Variants in PREX2 observed in about 807,000 individuals in gnomAD.
The protein encoded by PREX2 is phosphatidylinositol-3,4,5-trisphosphate dependent Rac exchange factor 2.
In PREX2, 107 loss-of-function variants were observed where a neutral mutation model predicts 203.2. The ratio of observed to expected loss-of-function variants is 0.53; its 90% CI spans 0.45 to 0.62. The LOEUF (loss-of-function observed/expected upper bound fraction) is 0.62. Among genes scored for constraint, PREX2 ranks in the 20% least tolerant of loss-of-function variants. The pLI, the probability that PREX2 is intolerant of heterozygous loss-of-function variation, is 0.00. For synonymous variants in PREX2, 672 were observed against 663.6 expected, an observed-to-expected ratio of 1.01 and a Z score of -0.19; for missense variants, 1,777 against 1,955.9, an observed-to-expected ratio of 0.91 and a Z score of 1.72.
chr8:68,002,028 G>A (rs1193589570), intron 1 of PREX2, among the ~76,000 whole-genome samples: 1 of 151,356 alleles, frequency 6.6e-6, no homozygotes, highest in East Asian at 1.9e-4. Flanking sequence ...AACAAATCCT[G>A]TGACACAAGT....
chr8:68,083,654 G>T (rs1235643382), intron 18 of PREX2, among the ~76,000 whole-genome samples: 1 of 152,060 alleles, frequency 6.6e-6, no homozygotes, highest in Non-Finnish European at 1.5e-5. Flanking sequence ...GGTTGAATTG[G>T]GTTTTACTAT....
chr8:68,185,141 C>T (rs547697585), intron 35 of PREX2, among the ~76,000 whole-genome samples: 5 of 152,282 alleles, frequency 3.3e-5, no homozygotes, highest in Admixed American at 6.5e-5. Context: ...ATTCAGTTCT[C>T]TCAATTTTCA....
intron 39 of PREX2, 38 bp downstream of exon 39, chr8:68,224,664 T>C (rs764863270): frequency 6.6e-7 from 1 of 1,516,756 alleles, no homozygotes; most frequent in South Asian, 1.1e-5. Flanking sequence ...CCCGAAAGAT[T>C]TGCCAGCATT....
Position 68,055,819 on chromosome 8 carries a change from A to G in PREX2, c.1094-11A>G. The stretch of plus-strand genomic sequence containing the variant: ...TTTTCAGTTACCTCTCCTTTCTTTC[A>G]TTTTTGATAGGTTTAAAATTAGGAA... On this transcript the variant is annotated splice_polypyrimidine_tract_variant and intron_variant, in intron 9 of 39. Transcript: ENST00000288368. 1.2e-6 allele frequency: 2 copies of G among 1,606,600 alleles called. No homozygotes were observed. The highest frequency in any genetic ancestry group is 1.7e-6 in the Non-Finnish European group (2 of 1,178,068).
At chr8:68,139,057 C>A (rs549153573) in intron 33 of PREX2, among the ~76,000 whole-genome samples, 1 of 152,152 alleles carries the variant, frequency 6.6e-6, no homozygotes, top group East Asian at 1.9e-4. Context: ...CAAGACTATT[C>A]TTGGTGTTGG....
chr8:68,110,904 A>G (rs777921659), intron 25 of PREX2: 2 of 431,914 alleles, frequency 4.6e-6, no homozygotes, highest in South Asian at 1.7e-5. Flanking sequence ...AGTTTTGTAT[A>G]TTATACTGTG....
At chr8:68,007,920 C>G (rs1807144922) in intron 1 of PREX2, among the ~76,000 whole-genome samples, 4 of 152,138 alleles carry the variant, frequency 2.6e-5, no homozygotes, top group Admixed American at 2.6e-4. Context: ...TCAGTTACTT[C>G]ACATATATTA....
chr8:68,192,435 C>A lies in PREX2; in HGVS notation c.4514C>A (p.Ala1505Asp). Residue 1505 changes from alanine (A) to aspartate (D), a missense_variant, in exon 37 of 40, where the codon GCT becomes GAT. Physicochemically the swap from Ala to Asp is moderately radical, Grantham distance 126 (BLOSUM62 -2). Coordinates refer to ENST00000288368, the MANE Select transcript of PREX2 (RefSeq NM_024870.4). ...GCCTGTGCAAACACAGCTTGCAGTG[C>A]TTCTGGGGTTGGACTGCTGTCAGTT... is the stretch of plus-strand genomic sequence containing the variant. Reference protein sequence around the residue: ...TAACANTACSASGVGLLSVSS... With the variant: ...TAACANTACSDSGVGLLSVSS... 6.2e-7 allele frequency: 1 copy of A among 1,614,046 alleles called. No homozygotes were observed. Among genetic ancestry groups the A allele is most frequent in the Non-Finnish European group, 8.5e-7 (1 of 1,179,966 alleles).
At chr8:68,008,054 A>C (rs1370299804) in intron 1 of PREX2, among the ~76,000 whole-genome samples, 1 of 152,214 alleles carries the variant, frequency 6.6e-6, no homozygotes, top group Non-Finnish European at 1.5e-5. Context: ...AGTAGTTGGC[A>C]GAGTTGGGTT....
intron 1 of PREX2, among the ~76,000 whole-genome samples, chr8:67,977,897 TCTGA>T (rs1806154112): frequency 6.6e-6 from 1 of 152,158 alleles, no homozygotes; most frequent in Non-Finnish European, 1.5e-5. Flanking sequence ...TGCATCTCTT[TCTGA>T]CTGTTTACCT....
At chr8:67,970,671 A>T (rs1313395930) in intron 1 of PREX2, among the ~76,000 whole-genome samples, 2 of 152,170 alleles carry the variant, frequency 1.3e-5, no homozygotes, top group Non-Finnish European at 2.9e-5. Flanking sequence ...TCAACTTCAG[A>T]GTAAGAAATA....
intron 1 of PREX2, among the ~76,000 whole-genome samples, chr8:67,973,183 T>C (rs994840202): frequency 6.6e-6 from 1 of 152,174 alleles, no homozygotes; most frequent in Non-Finnish European, 1.5e-5. Flanking sequence ...GCAATAAAAG[T>C]ATGGGCAGAC....
chr8:68,199,533 G>T (rs1292470345), intron 37 of PREX2, among the ~76,000 whole-genome samples: 7 of 152,088 alleles, frequency 4.6e-5, no homozygotes, highest in Admixed American at 2.0e-4. Context: ...CCTAAAATAT[G>T]ATTATAAGCC....
chr8:68,027,177 T>G, intron 4 of PREX2, 45 bp from the exon 5 acceptor site: 5 of 1,385,988 alleles, frequency 3.6e-6, no homozygotes, highest in Non-Finnish European at 4.1e-6. Flanking sequence ...TTTCACAGCG[T>G]GAGATTATTA....
intron 34 of PREX2, among the ~76,000 whole-genome samples, chr8:68,147,021 A>G (rs1003017915): frequency 6.6e-6 from 1 of 152,188 alleles, no homozygotes; most frequent in Non-Finnish European, 1.5e-5. Context: ...TACCTAAAAA[A>G]GATCAGAAGT....
intron 35 of PREX2, among the ~76,000 whole-genome samples, chr8:68,186,384 T>C (rs1812188167): frequency 1.3e-5 from 2 of 152,224 alleles, no homozygotes; most frequent in South Asian, 4.1e-4. Context: ...AGCCAATATA[T>C]CTAATTCTAA....
At chr8:68,192,308 T>C in intron 36 of PREX2, 27 bp from the exon 37 acceptor site, 1 of 1,545,654 alleles carries the variant, frequency 6.5e-7, no homozygotes, top group East Asian at 2.3e-5. Context: ...CATGTTGAAC[T>C]TGACGTTCAT....
chr8:68,148,063 A>G (rs1811363038), intron 34 of PREX2, among the ~76,000 whole-genome samples: 1 of 152,116 alleles, frequency 6.6e-6, no homozygotes, highest in Admixed American at 6.6e-5. Flanking sequence ...CCCAGGCAAC[A>G]TGGTGGAAAC....
intron 37 of PREX2, among the ~76,000 whole-genome samples, chr8:68,206,590 G>A (rs1431230510): frequency 6.6e-6 from 1 of 152,166 alleles, no homozygotes; most frequent in African/African-American, 2.4e-5. Flanking sequence ...GCATTCAAGA[G>A]CAGCAGAAGA....
Sources: allele counts gnomAD v4.1 joint callset (sites outside exome capture counted in the v4.1 genomes callset), GRCh38; gene constraint gnomAD v4.1.1; transcripts MANE v1.5; gene names NCBI Gene and HGNC (gene_info 2026-07-23, HGNC 2026-07-21).